The following AGMO variants were observed in gnomAD, a reference collection of about 807,000 sequenced individuals.
AGMO encodes glyceryl-ether monooxygenase.
A neutral mutation model predicts 60.2 loss-of-function variants in AGMO; 75 were observed. The ratio of observed to expected loss-of-function variants is 1.25; its 90% CI spans 1.03 to 1.51. The LOEUF (loss-of-function observed/expected upper bound fraction) is 1.51. AGMO is among the 40% of genes most tolerant of loss of function. AGMO has a pLI of 0.00. For synonymous variants in AGMO, 261 were observed against 177.1 expected (o/e 1.47, Z -3.76); for missense variants, 763 against 525.5 (o/e 1.45, Z -4.42).
intron 12 of AGMO, among the ~76,000 whole-genome samples, chr7:15,268,314 T>C (rs2128512340): frequency 6.6e-6 from 1 of 152,158 alleles, no homozygotes; most frequent in South Asian, 2.1e-4. Context: ...CTCAAGATCA[T>C]TTATTTCAAA....
At chr7:15,316,003 T>G (rs1276158259) in intron 12 of AGMO, among the ~76,000 whole-genome samples, 1 of 152,068 alleles carries the variant, frequency 6.6e-6, no homozygotes, top group Non-Finnish European at 1.5e-5. Context: ...TTTTGAGAGA[T>G]ATTATTAGAG....
intron 3 of AGMO, among the ~76,000 whole-genome samples, chr7:15,450,605 A>C (rs1302905517): frequency 1.3e-5 from 2 of 152,198 alleles, no homozygotes; most frequent in Non-Finnish European, 2.9e-5. Flanking sequence ...TTACACAAAT[A>C]ATATTATGAA....
At chr7:15,325,071 G>A (rs915407308) in intron 12 of AGMO, among the ~76,000 whole-genome samples, 1 of 152,040 alleles carries the variant, frequency 6.6e-6, no homozygotes, top group Non-Finnish European at 1.5e-5. Flanking sequence ...CCCTCAGGAA[G>A]CCCTGTAATT....
At chr7:15,163,836 C>T in the AGMO span, among the ~76,000 whole-genome samples, 1 of 151,754 alleles carries the variant, frequency 6.6e-6, no homozygotes, top group East Asian at 1.9e-4. Flanking sequence ...ATATTGCTTT[C>T]ACAGAATGAG....
intron 12 of AGMO, among the ~76,000 whole-genome samples, chr7:15,244,413 CT>C (rs1234091811): frequency 1.4e-4 from 21 of 152,092 alleles, no homozygotes; most frequent in African/African-American, 4.8e-4. Flanking sequence ...TCACGTCTGA[CT>C]TTGTATAGTT....
chr7:15,517,552 A>T (rs1289030198), intron 3 of AGMO, among the ~76,000 whole-genome samples: 3 of 151,620 alleles, frequency 2.0e-5, no homozygotes, highest in Admixed American at 1.3e-4. Flanking sequence ...CTCACCCGGG[A>T]AGTGCAAGGG....
chr7:15,273,051 C>CA (rs532745307), intron 12 of AGMO, among the ~76,000 whole-genome samples: 2 of 152,208 alleles, frequency 1.3e-5, no homozygotes, highest in South Asian at 4.1e-4. Context: ...TAGTAGATTG[C>CA]AAAAATTTTC....
chr7:15,511,507 G>A (rs1783672977), intron 3 of AGMO, among the ~76,000 whole-genome samples: 1 of 152,118 alleles, frequency 6.6e-6, no homozygotes, highest in Non-Finnish European at 1.5e-5. Flanking sequence ...ATGGGGAGAT[G>A]ATGGGCAAAG....
the AGMO span, among the ~76,000 whole-genome samples, chr7:15,161,704 TATAC>T: frequency 6.6e-6 from 1 of 151,592 alleles, no homozygotes; most frequent in Non-Finnish European, 1.5e-5. Flanking sequence ...TGTGTGTGTG[TATAC>T]ATACACACAC....
chr7:15,548,004 G>T, intron 2 of AGMO, among the ~76,000 whole-genome samples: 1 of 147,876 alleles, frequency 6.8e-6, no homozygotes, highest in South Asian at 2.1e-4. Flanking sequence ...GTGGGTCCCT[G>T]ACCCCTGACA....
intron 12 of AGMO, among the ~76,000 whole-genome samples, chr7:15,225,807 T>G (rs1782063690): frequency 6.6e-6 from 1 of 151,984 alleles, no homozygotes; most frequent in Non-Finnish European, 1.5e-5. Context: ...AGTAAACACA[T>G]TTTCTTAAAT....
chr7:15,235,213 T>C (rs1391829740), intron 12 of AGMO, among the ~76,000 whole-genome samples: 1 of 152,082 alleles, frequency 6.6e-6, no homozygotes, highest in African/African-American at 2.4e-5. Context: ...CTATAATATA[T>C]ATATATCTAA....
In AGMO at chr7:15,405,460, G is replaced by C. The variant is rs138679879; in HGVS notation, c.610-11281C>G. Among the ~76,000 whole-genome samples, 38 of 151,944 alleles carry C rather than the reference G, an allele frequency of 2.5e-4. No individual in the cohort carries two copies. In the East Asian group the frequency reaches 7.2e-3, roughly 29 times the overall value. On this transcript the variant is annotated intron_variant, in intron 5 of 12. Transcript: ENST00000342526. ...CAAATTCCTACCTTCACTCACCAGA[G>C]ATTTATTTTACGTGGTTCTTGGAAG...
chr7:15,207,036 AG>A (rs1355148621), intron 12 of AGMO, among the ~76,000 whole-genome samples: 1 of 152,196 alleles, frequency 6.6e-6, no homozygotes, highest in African/African-American at 2.4e-5. Context: ...AAACTGCCTA[AG>A]AAAGTGTGCA....
intron 12 of AGMO, among the ~76,000 whole-genome samples, chr7:15,310,141 C>A (rs1780728261): frequency 6.6e-6 from 1 of 152,128 alleles, no homozygotes; most frequent in Non-Finnish European, 1.5e-5. Context: ...GGCTGACGAA[C>A]TTGGCACACT....
chr7:15,213,236 T>C (rs1781645620), intron 12 of AGMO, among the ~76,000 whole-genome samples: 1 of 151,884 alleles, frequency 6.6e-6, no homozygotes, highest in South Asian at 2.1e-4. Flanking sequence ...GTCTTCTATG[T>C]TCCAAAGTTT....
Position 15,300,995 on chromosome 7 carries a change from AGAGGAACTTTCTACTG to A in AGMO, c.1263+64503_1263+64518del, listed in dbSNP as rs376518028. ...CTTAAATAGACACACACATATACAC[AGAGGAACTTTCTACTG>A]GAGAACATAAGAAAACACCTTTTTA... is the stretch of plus-strand genomic sequence containing the variant. On this transcript the variant is annotated intron_variant, in intron 12 of 12. Transcript: ENST00000342526. 3.4e-4 allele frequency among the ~76,000 whole-genome samples: 52 copies of A among 152,328 alleles called. 1 individual carries two copies. Among genetic ancestry groups the A allele is most frequent in the African/African-American group, 1.2e-3 (50 of 41,588 alleles).
intron 3 of AGMO, among the ~76,000 whole-genome samples, chr7:15,540,377 G>C (rs1402357993): frequency 6.6e-6 from 1 of 152,140 alleles, no homozygotes; most frequent in Non-Finnish European, 1.5e-5. Context: ...GAGGGTGTAG[G>C]CTACAGCTGA....
chr7:15,548,700 T>C, intron 2 of AGMO, among the ~76,000 whole-genome samples: 1 of 152,174 alleles, frequency 6.6e-6, no homozygotes, highest in Non-Finnish European at 1.5e-5. Flanking sequence ...TTGGTGTGCC[T>C]GAAGGTGATG....
Sources: allele counts gnomAD v4.1 joint callset (sites outside exome capture counted in the v4.1 genomes callset), GRCh38; gene constraint gnomAD v4.1.1; transcripts MANE v1.5; gene names NCBI Gene and HGNC (gene_info 2026-07-23, HGNC 2026-07-21).